Variants in RGS6 observed in about 807,000 individuals in gnomAD.
RGS6 encodes the protein regulator of G protein signaling 6, also known as regulator of G-protein signaling 6.
RGS6 carries 30 observed loss-of-function variants against 78.5 expected under a neutral mutation model. The ratio of observed to expected loss-of-function variants is 0.38; its 90% CI spans 0.29 to 0.52. The LOEUF (loss-of-function observed/expected upper bound fraction) is 0.52. Ranked by LOEUF, RGS6 falls within the 20% of genes least tolerant of loss-of-function variation. The pLI is 0.85. For missense variants in RGS6, 495 were observed against 609.7 expected (o/e 0.81, Z 1.98); for synonymous variants, 206 against 206.0 (o/e 1.00, Z 0.00).
chr14:72,188,855 C>G (rs1267163202), intron 2 of RGS6, among the ~76,000 whole-genome samples: 1 of 152,212 alleles, frequency 6.6e-6, no homozygotes, highest in African/African-American at 2.4e-5. Context: ...AAAGAACTCT[C>G]TCTGAACACT....
intron 2 of RGS6, among the ~76,000 whole-genome samples, chr14:72,162,140 T>C (rs1345185392): frequency 2.0e-5 from 3 of 152,172 alleles, no homozygotes; most frequent in Non-Finnish European, 4.4e-5. Flanking sequence ...CATTTGACAT[T>C]GCTCATTTAC....
chr14:72,179,999 C>G (rs1359829488), intron 2 of RGS6, among the ~76,000 whole-genome samples: 2 of 152,202 alleles, frequency 1.3e-5, no homozygotes, highest in African/African-American at 4.8e-5. Flanking sequence ...CAGGTGCTTT[C>G]TGTGTTGGCT....
chr14:72,216,079 A>G (rs970549999), intron 2 of RGS6, among the ~76,000 whole-genome samples: 12 of 152,208 alleles, frequency 7.9e-5, no homozygotes, highest in African/African-American at 2.9e-4. Context: ...CCACTCTATC[A>G]TCTAAAGATC....
intron 12 of RGS6, among the ~76,000 whole-genome samples, chr14:72,491,655 T>G (rs545185097): frequency 6.6e-6 from 1 of 152,332 alleles, no homozygotes; most frequent in African/African-American, 2.4e-5. Flanking sequence ...AATCTTACAA[T>G]TTTTATACAT....
chr14:72,389,993 T>A (rs927734859), intron 3 of RGS6, among the ~76,000 whole-genome samples: 1 of 151,364 alleles, frequency 6.6e-6, no homozygotes, highest in African/African-American at 2.4e-5. Flanking sequence ...GTGGGAACAG[T>A]AAAGTGTAGG....
chr14:71,973,746 A>G (rs908684969), intron 2 of RGS6, among the ~76,000 whole-genome samples: 1 of 152,228 alleles, frequency 6.6e-6, no homozygotes, highest in Non-Finnish European at 1.5e-5. Flanking sequence ...ACATTTTAAG[A>G]TTCCTTTCAT....
At chr14:71,990,235 G>C (rs1198155641) in intron 2 of RGS6, among the ~76,000 whole-genome samples, 1 of 152,118 alleles carries the variant, frequency 6.6e-6, no homozygotes, top group East Asian at 1.9e-4. Flanking sequence ...CCCACCTTCT[G>C]ACACCACCAC....
chr14:71,925,015 C>T, the RGS6 span, among the ~76,000 whole-genome samples: 1 of 152,194 alleles, frequency 6.6e-6, no homozygotes, highest in South Asian at 2.1e-4. Flanking sequence ...TCCATAATGG[C>T]TCTACCAGTT....
At chr14:71,986,637 G>A (rs2094723016) in intron 2 of RGS6, among the ~76,000 whole-genome samples, 1 of 152,132 alleles carries the variant, frequency 6.6e-6, no homozygotes, top group South Asian at 2.1e-4. Flanking sequence ...CTGAGCCTGG[G>A]GAGCTCAAGG....
intron 2 of RGS6, among the ~76,000 whole-genome samples, chr14:72,261,078 C>G (rs112841036): frequency 3.9e-5 from 6 of 152,026 alleles, no homozygotes; most frequent in African/African-American, 9.7e-5. Context: ...AAAGGCTGGT[C>G]AAATGGTTCT....
At chr14:72,560,121 A>C (rs2097650740) in intron 17 of RGS6, among the ~76,000 whole-genome samples, 1 of 151,206 alleles carries the variant, frequency 6.6e-6, no homozygotes, top group Non-Finnish European at 1.5e-5. Flanking sequence ...TTTTTTTCCC[A>C]TCCACCAGCT....
At chr14:71,894,052 G>A in the RGS6 span, among the ~76,000 whole-genome samples, 3 of 152,148 alleles carry the variant, frequency 2.0e-5, no homozygotes, top group Non-Finnish European at 2.9e-5. Context: ...CTGGACCTTT[G>A]ACCCATAGGT....
intron 2 of RGS6, among the ~76,000 whole-genome samples, chr14:71,965,120 A>G (rs760377115): frequency 1.1e-4 from 16 of 152,244 alleles, no homozygotes; most frequent in South Asian, 2.1e-4. Flanking sequence ...TGCCTAAGCA[A>G]TGCAGATGGG....
At chr14:72,465,480 G>T (rs1241722262) in intron 6 of RGS6, among the ~76,000 whole-genome samples, 4 of 48,220 alleles carry the variant, frequency 8.3e-5, no homozygotes, top group Admixed American at 2.6e-4. Flanking sequence ...GTGCTCATGA[G>T]GTCCACTTAG....
At chr14:72,385,932 T>G (rs1431554487) in intron 3 of RGS6, among the ~76,000 whole-genome samples, 2 of 152,178 alleles carry the variant, frequency 1.3e-5, no homozygotes, top group South Asian at 4.1e-4. Flanking sequence ...TGTTGACCTT[T>G]CATTTTGCCA....
At chr14:71,958,856 G>A (rs1361406772) in intron 1 of RGS6, among the ~76,000 whole-genome samples, 1 of 152,190 alleles carries the variant, frequency 6.6e-6, no homozygotes, top group Non-Finnish European at 1.5e-5. Context: ...AACTTCTGGA[G>A]CATGGGAACC....
At chr14:72,311,616 C>T (rs2068640110) in intron 2 of RGS6, among the ~76,000 whole-genome samples, 2 of 152,270 alleles carry the variant, frequency 1.3e-5, no homozygotes, top group Non-Finnish European at 2.9e-5. Context: ...GGTAATTTCC[C>T]TTGTATTGTT....
chr14:71,879,420 T>G, the RGS6 span, among the ~76,000 whole-genome samples: 1 of 152,124 alleles, frequency 6.6e-6, no homozygotes, highest in African/African-American at 2.4e-5. Context: ...CTCCTTATAG[T>G]GTTGTGAATA....
chr14:72,165,738 T>C (rs1179910395), intron 2 of RGS6, among the ~76,000 whole-genome samples: 1 of 152,212 alleles, frequency 6.6e-6, no homozygotes, highest in African/African-American at 2.4e-5. Flanking sequence ...AACACTAAGA[T>C]TGCCTCTTCC....
Sources: allele counts gnomAD v4.1 joint callset (sites outside exome capture counted in the v4.1 genomes callset), GRCh38; gene constraint gnomAD v4.1.1; transcripts MANE v1.5; gene names NCBI Gene and HGNC (gene_info 2026-07-23, HGNC 2026-07-21).